PPP1R12A: variants seen among roughly 807,000 people sequenced by gnomAD.
PPP1R12A encodes myosin binding subunit.
Under a neutral mutation model 139.6 loss-of-function variants are expected in PPP1R12A, and 19 were observed. The observed-to-expected ratio is 0.14, with a 90% CI of 0.09 to 0.20. The LOEUF is 0.20. Among genes scored for constraint, PPP1R12A ranks in the 10% least tolerant of loss-of-function variants. PPP1R12A has a pLI of 1.00. For synonymous variants in PPP1R12A, 427 were observed against 420.6 expected, an observed-to-expected ratio of 1.02 and a Z score of -0.19; for missense variants, 925 against 1,211.5, an observed-to-expected ratio of 0.76 and a Z score of 3.51.
intron 4 of PPP1R12A, among the ~76,000 whole-genome samples, chr12:79,830,169 A>T (rs1877249407): frequency 6.6e-6 from 1 of 152,106 alleles, no homozygotes; most frequent in Non-Finnish European, 1.5e-5. Flanking sequence ...TTAGCCAACT[A>T]GCTTGCCCTA....
At chr12:79,819,994 C>A (rs948884941) in intron 8 of PPP1R12A, among the ~76,000 whole-genome samples, 1 of 149,368 alleles carries the variant, frequency 6.7e-6, no homozygotes, top group Non-Finnish European at 1.5e-5. Flanking sequence ...AAAAACATAA[C>A]TTTTGAGTGA....
chr12:79,884,381 CTTT>C (rs1268771874), intron 1 of PPP1R12A, among the ~76,000 whole-genome samples: 1 of 152,090 alleles, frequency 6.6e-6, no homozygotes, highest in East Asian at 1.9e-4. Context: ...TCTGCTTGTT[CTTT>C]TGTTTATAAA....
At position 79,805,705 on chromosome 12, in the gene PPP1R12A, T is replaced by C. The variant is rs1354666135; in HGVS notation, c.1887A>G (p.Ala629=). ...CAGTTGGAGCAACAGGAATGGTCAC[T>C]GCCGTAGGAACACTGTCCTTTTCTT... The part of the protein sequence containing the change: ...TEKEKDSVPT[A]VTIPVAPTVV... Residue 629 remains alanine (A), a synonymous_variant, in exon 14 of 25, where the codon GCA becomes GCG. Transcript: ENST00000450142. The C allele has an allele frequency of 6.2e-7, 1 of 1,613,478 alleles. No individual in the cohort carries two copies. Among genetic ancestry groups the C allele is most frequent in the Non-Finnish European group, 8.5e-7 (1 of 1,179,670 alleles).
At chr12:79,869,640 T>C (rs1240041620) in intron 2 of PPP1R12A, among the ~76,000 whole-genome samples, 1 of 152,136 alleles carries the variant, frequency 6.6e-6, no homozygotes, top group Non-Finnish European at 1.5e-5. Flanking sequence ...GTAGGGAATG[T>C]TGGGGAACTA....
chr12:79,933,833 T>C (rs1362001843), intron 1 of PPP1R12A, among the ~76,000 whole-genome samples: 1 of 152,250 alleles, frequency 6.6e-6, no homozygotes, highest in Non-Finnish European at 1.5e-5. Context: ...GAAAAGTTTG[T>C]GACCAGCTTT....
chr12:79,899,348 C>A (rs1885430822), intron 1 of PPP1R12A, among the ~76,000 whole-genome samples: 1 of 151,122 alleles, frequency 6.6e-6, no homozygotes, highest in African/African-American at 2.4e-5. Context: ...TCAGAACATA[C>A]CATTACTACA....
Position 79,832,398 on chromosome 12 carries a change from C to T in PPP1R12A, c.581G>A (p.Arg194Gln), listed in dbSNP as rs376818585. ...TGCTGTACCTCCAGATTTTGCATGC[C>T]GGACATCATTTATATGACCACTATT... ...WLNSGHINDV[R>Q]HAKSGGTALH... The change falls in exon 4 of 25, where the codon CGG becomes CAG. Residue 194 changes from arginine to glutamine, a missense_variant. This residue lies in a region of PPP1R12A where 199 missense variants were observed against 352.4 expected (regional missense o/e 0.56). Coordinates refer to ENST00000450142, the MANE Select transcript of PPP1R12A (RefSeq NM_002480.3). The T allele has an allele frequency of 8.1e-5, 130 of 1,613,362 alleles. No homozygotes were observed. The highest frequency in any genetic ancestry group is 1.0e-4 in the Non-Finnish European group (118 of 1,179,622).
At chr12:79,934,601 C>G (rs1888529016) in intron 1 of PPP1R12A, 94 bp downstream of exon 1, 1 of 1,190,854 alleles carries the variant, frequency 8.4e-7, no homozygotes, top group East Asian at 2.9e-5. Context: ...CCCGCCGCCC[C>G]CAGCCTCAAG....
intron 2 of PPP1R12A, among the ~76,000 whole-genome samples, chr12:79,856,533 T>C (rs976831234): frequency 6.6e-6 from 1 of 152,270 alleles, no homozygotes; most frequent in Non-Finnish European, 1.5e-5. Flanking sequence ...ATGCTGTCTT[T>C]CTTGCATAAA....
intron 2 of PPP1R12A, among the ~76,000 whole-genome samples, chr12:79,849,962 T>C (rs996872719): frequency 6.6e-6 from 1 of 151,774 alleles, no homozygotes; most frequent in African/African-American, 2.4e-5. Context: ...TTGCTAGGAA[T>C]ACAAGAACAT....
intron 18 of PPP1R12A, 129 bp from the exon 19 acceptor site, chr12:79,794,057 A>ATATC (rs1872209238): frequency 3.1e-6 from 2 of 646,508 alleles, no homozygotes; most frequent in Non-Finnish European, 5.0e-6. Flanking sequence ...ATAGAATGAG[A>ATATC]TGTCTAGGAT....
At chr12:79,924,571 G>T (rs2136955589) in intron 1 of PPP1R12A, among the ~76,000 whole-genome samples, 1 of 152,208 alleles carries the variant, frequency 6.6e-6, no homozygotes, top group African/African-American at 2.4e-5. Flanking sequence ...TGGGACCACA[G>T]ATGCGTGTCG....
intron 8 of PPP1R12A, 124 bp downstream of exon 8, chr12:79,820,647 TTAG>T (rs1319821404): frequency 2.3e-6 from 2 of 869,458 alleles, no homozygotes; most frequent in Admixed American, 5.1e-5. Flanking sequence ...GAAAGATAAT[TTAG>T]TAGTGTGGCA....
At chr12:79,906,323 A>G (rs1209315973) in intron 1 of PPP1R12A, among the ~76,000 whole-genome samples, 2 of 152,164 alleles carry the variant, frequency 1.3e-5, no homozygotes, top group Non-Finnish European at 2.9e-5. Flanking sequence ...TATACAAAAT[A>G]CATTTAGAAT....
At chr12:79,859,436 A>G (rs1412444739) in intron 2 of PPP1R12A, among the ~76,000 whole-genome samples, 1 of 152,128 alleles carries the variant, frequency 6.6e-6, no homozygotes, top group African/African-American at 2.4e-5. Context: ...ATATATTTTA[A>G]AGCTGAGCCA....
chr12:79,849,531 G>A (rs1439505966), intron 2 of PPP1R12A, among the ~76,000 whole-genome samples: 1 of 152,160 alleles, frequency 6.6e-6, no homozygotes, highest in African/African-American at 2.4e-5. Flanking sequence ...AACAAAAGCT[G>A]GGGTATTAGA....
At chr12:79,873,024 TA>T in intron 1 of PPP1R12A, 86 bp from the exon 2 acceptor site, 1 of 1,307,954 alleles carries the variant, frequency 7.6e-7, no homozygotes, top group African/African-American at 1.5e-5. Flanking sequence ...TCCTACTTTG[TA>T]GCTTTTATAA....
chr12:79,811,768 TACAAA>T lies in PPP1R12A; in HGVS notation c.1240-1763_1240-1759del, dbSNP rs1178347247. On this transcript the variant is annotated intron_variant, in intron 9 of 24. Coordinates refer to ENST00000450142, the MANE Select transcript of PPP1R12A (RefSeq NM_002480.3). ...TTTTTTTTCTCCAACCAGTTTGCTA[TACAAA>T]AACAGGTAATGGGCTAGGTTTGGCC... Among the ~76,000 whole-genome samples the T allele has an allele frequency of 8.5e-5, 13 of 152,202 alleles. No individual in the cohort carries two copies. The East Asian group carries it at 2.1e-3, about 25-fold the overall frequency.
intron 22 of PPP1R12A, chr12:79,782,538 A>G: frequency 2.2e-6 from 1 of 453,928 alleles, no homozygotes; most frequent in Non-Finnish European, 4.4e-6. Context: ...CTTGGCTTTA[A>G]GGGATGGAAA....
Sources: gnomAD v4.1 joint callset for allele counts (sites outside exome capture counted in the v4.1 genomes callset) on GRCh38, gnomAD v4.1.1 for gene constraint, gnomAD v4.1.1 regional missense constraint, MANE v1.5 for transcripts, NCBI Gene and HGNC (gene_info 2026-07-23, HGNC 2026-07-21) for gene names.